The following FCAR variants were observed in gnomAD, a reference collection of about 807,000 sequenced individuals.
FCAR encodes the protein immunoglobulin alpha Fc receptor.
FCAR carries 21 observed loss-of-function variants against 27.1 expected under a neutral mutation model. That is an observed-to-expected ratio of 0.77 (90% CI 0.55 to 1.11). FCAR has a LOEUF of 1.11. Ranked by LOEUF, FCAR falls within the 50% of genes most tolerant of loss-of-function variation. The pLI, the probability that FCAR is intolerant of heterozygous loss-of-function variation, is 0.00. For synonymous variants in FCAR, 134 were observed against 135.8 expected, an observed-to-expected ratio of 0.99 and a Z score of 0.09; for missense variants, 404 against 358.4, an observed-to-expected ratio of 1.13 and a Z score of -1.03.
chr19:54,882,325 A>G (rs1379727538), intron 2 of FCAR, among the ~76,000 whole-genome samples: 1 of 152,172 alleles, frequency 6.6e-6, no homozygotes, highest in Non-Finnish European at 1.5e-5. Context: ...CTGGCCATCC[A>G]GATTCTGAAT....
rs1200920924 is a variant in FCAR, at chr19:54,888,307, C to T, written c.649+13C>T. ...CTTGTGGTCACAGGTAGGTACCGCC[C>T]AGTCCAGCCCTGTGTCTGGGTTGGC... On this transcript the variant is annotated intron_variant, in intron 4 of 4. Transcript: ENST00000355524. 5.6e-6 allele frequency: 9 copies of T among 1,612,952 alleles called. No individual in the cohort carries two copies. Among genetic ancestry groups the T allele is most frequent in the Non-Finnish European group, 7.6e-6 (9 of 1,179,510 alleles).
In FCAR at chr19:54,890,839, C is replaced by T. The variant is rs2067041354; in HGVS notation, c.*976C>T. 1 of 151,956 alleles carries T rather than the reference C, an allele frequency of 6.6e-6. No homozygotes were observed. The highest frequency in any genetic ancestry group is 2.4e-5 in the African/African-American group (1 of 41,374). The allele number at this position is 151,956 out of a possible 1,614,324, so 9.4% of individuals were successfully genotyped here. On this transcript the variant is annotated 3_prime_UTR_variant, in exon 5 of 5. Coordinates refer to ENST00000355524, the MANE Select transcript of FCAR (RefSeq NM_002000.4). Reference sequence around the variant, plus strand: ...TTTTTTTTGTTGAAGTGAGGCTCTCCCTATGTTGCCTAAGCTGGTCTTGAA... The same window carrying T: ...TTTTTTTTGTTGAAGTGAGGCTCTCTCTATGTTGCCTAAGCTGGTCTTGAA...
chr19:54,885,403 A>T lies in FCAR; in HGVS notation c.239A>T (p.Glu80Val). The T allele has an allele frequency of 6.2e-7, 1 of 1,614,036 alleles. No homozygotes were observed. The highest frequency in any genetic ancestry group is 1.6e-4 in the Middle Eastern group (1 of 6,062). ...EIGRRLKFWN[E>V]TDPEFVIDHM... ...GGCAGAAGACTGAAGTTTTGGAATG[A>T]GACTGATCCTGAGTTCGTCATTGAC... is the stretch of plus-strand genomic sequence containing the variant. Residue 80 changes from glutamate (E) to valine (V), a missense_variant, in exon 3 of 5, where the codon GAG becomes GTG. By Grantham distance (121) the Glu-to-Val change is moderately radical. Transcript: ENST00000355524.
chr19:54,876,283 A>T (rs1022990443), intron 2 of FCAR, among the ~76,000 whole-genome samples: 1 of 152,212 alleles, frequency 6.6e-6, no homozygotes, highest in Non-Finnish European at 1.5e-5. Flanking sequence ...AAACAGGGAT[A>T]GTTTGACTTC....
chr19:54,884,843 G>T (rs34391636), intron 2 of FCAR, among the ~76,000 whole-genome samples: 12,038 of 151,882 alleles, frequency 0.079, 529 homozygotes, highest in Non-Finnish European at 0.1. Flanking sequence ...GTCTCACTCT[G>T]TTGCCCAGGC....
chr19:54,885,308 G>C lies in FCAR; in HGVS notation c.144G>C (p.Gln48His). ...VIPLDGSVKI[Q>H]CQAIREAYLT... ...CCTTGGATGGATCTGTGAAAATCCA[G>C]TGCCAGGCCATTCGTGAAGCTTACC... is the stretch of plus-strand genomic sequence containing the variant. Residue 48 changes from glutamine (Q) to histidine (H), a missense_variant, in exon 3 of 5, where the codon CAG becomes CAC. Transcript: ENST00000355524. The C allele has an allele frequency of 1.2e-6, 2 of 1,613,982 alleles. No homozygotes were observed. Among genetic ancestry groups the C allele is most frequent in the Non-Finnish European group, 1.7e-6 (2 of 1,179,960 alleles).
chr19:54,881,857 G>C (rs2066434975), intron 2 of FCAR, among the ~76,000 whole-genome samples: 2 of 151,942 alleles, frequency 1.3e-5, no homozygotes, highest in South Asian at 4.1e-4. Context: ...CTGCAGCGTG[G>C]GCGACAGAGC....
At chr19:54,876,704 G>A (rs150545036) in intron 2 of FCAR, among the ~76,000 whole-genome samples, 5,061 of 151,904 alleles carry the variant, frequency 0.033, 94 homozygotes, top group Middle Eastern at 0.069. Flanking sequence ...TGGATCATGA[G>A]GTCAGGAGAT....
rs1264921322 is a variant in FCAR at position 54,888,236 on chromosome 19, C to A, written c.591C>A (p.Tyr197Ter). The A allele has an allele frequency of 6.2e-7, 1 of 1,614,074 alleles. No homozygotes were observed. Among genetic ancestry groups the A allele is most frequent in the Non-Finnish European group, 8.5e-7 (1 of 1,180,018 alleles). ...VSGIYRCYGW[Y>*]NRSPYLWSFP... ...GGATCTACAGGTGCTACGGTTGGTACAACAGGAGCCCCTACCTGTGGTCCT... is the reference window on the plus strand; with the variant it reads ...GGATCTACAGGTGCTACGGTTGGTAAAACAGGAGCCCCTACCTGTGGTCCT... Residue 197 changes from tyrosine (Y) to a stop codon, truncating the protein, a stop_gained, in exon 4 of 5, where the codon TAC becomes TAA. Transcript: ENST00000355524. LOFTEE classifies it high-confidence loss of function.
chr19:54,883,394 C>T (rs1405303347), intron 2 of FCAR, among the ~76,000 whole-genome samples: 1 of 152,116 alleles, frequency 6.6e-6, no homozygotes, highest in Non-Finnish European at 1.5e-5. Flanking sequence ...TGGCTCTGCA[C>T]CCACTGTTTC....
chr19:54,884,329 C>T (rs2066583569), intron 2 of FCAR, among the ~76,000 whole-genome samples: 1 of 152,170 alleles, frequency 6.6e-6, no homozygotes, highest in Non-Finnish European at 1.5e-5. Context: ...TCAGTGTTGC[C>T]TCTGCAAAAA....
Position 54,888,275 on chromosome 19 carries a change from C to A in FCAR, c.630C>A (p.Ala210=). The stretch of plus-strand genomic sequence containing the variant: ...ACCTGTGGTCCTTCCCCAGTAATGC[C>A]TTGGAGCTTGTGGTCACAGGTAGGT... ...SPYLWSFPSN[A]LELVVTDSIH... Residue 210 remains alanine (A), a synonymous_variant, in exon 4 of 5, where the codon GCC becomes GCA. Coordinates refer to ENST00000355524, the MANE Select transcript of FCAR (RefSeq NM_002000.4). 1 of 1,614,046 alleles carries A rather than the reference C, an allele frequency of 6.2e-7. No individual in the cohort carries two copies. Among genetic ancestry groups the A allele is most frequent in the Non-Finnish European group, 8.5e-7 (1 of 1,179,968 alleles).
chr19:54,880,996 A>C (rs2066377089), intron 2 of FCAR: 1 of 152,278 alleles, frequency 6.6e-6, no homozygotes, highest in South Asian at 2.1e-4. Context: ...TGCTGGCTGC[A>C]GATCTGGGCT....
intron 3 of FCAR, among the ~76,000 whole-genome samples, chr19:54,887,784 G>A (rs967537770): frequency 1.3e-5 from 2 of 151,668 alleles, no homozygotes; most frequent in African/African-American, 2.4e-5. Context: ...GGGCGTGGTG[G>A]TACGCACCTG....
At chr19:54,878,138 C>T (rs2066203239) in intron 2 of FCAR, among the ~76,000 whole-genome samples, 1 of 152,100 alleles carries the variant, frequency 6.6e-6, no homozygotes, top group Admixed American at 6.6e-5. Context: ...AGGATGGTCT[C>T]GATCTCCTGA....
chr19:54,879,044 ATT>A (rs57641022), intron 2 of FCAR, among the ~76,000 whole-genome samples: 19 of 146,634 alleles, frequency 1.3e-4, no homozygotes, highest in African/African-American at 2.5e-4. Context: ...ACGCCCAGCT[ATT>A]TTTTTTTTTT....
rs1286518970 is a variant in FCAR at position 54,890,884 on chromosome 19, C to T, written c.*1021C>T. The T allele has an allele frequency of 5.3e-5, 8 of 152,096 alleles. No homozygotes were observed. The East Asian group carries it at 5.8e-4, about 11-fold the overall frequency. The allele number at this position is 152,096 out of a possible 1,614,324, so 9.4% of individuals were successfully genotyped here. ...CTTGAACTCCTGGTCTCAAGCAATC[C>T]TCCTACCTCAGCCTCCTGCTGTGTT... is the stretch of plus-strand genomic sequence containing the variant. On this transcript the variant is annotated 3_prime_UTR_variant, in exon 5 of 5. Coordinates refer to ENST00000355524, the MANE Select transcript of FCAR (RefSeq NM_002000.4).
chr19:54,874,667 CAT>C (rs1207566018), intron 1 of FCAR, among the ~76,000 whole-genome samples: 3 of 152,054 alleles, frequency 2.0e-5, no homozygotes, highest in African/African-American at 7.2e-5. Context: ...GGAAGGAAAA[CAT>C]ATGATAGAAC....
intron 2 of FCAR, among the ~76,000 whole-genome samples, chr19:54,884,067 A>C (rs1386255108): frequency 1.3e-5 from 2 of 152,226 alleles, no homozygotes; most frequent in African/African-American, 4.8e-5. Flanking sequence ...GTCTGGCTGC[A>C]AGTGGCAGGG....
Sources: allele counts gnomAD v4.1 joint callset (sites outside exome capture counted in the v4.1 genomes callset), GRCh38; gene constraint gnomAD v4.1.1; transcripts MANE v1.5; gene names NCBI Gene and HGNC (gene_info 2026-07-23, HGNC 2026-07-21).